The following RBMS3 variants were observed in gnomAD, a reference collection of about 807,000 sequenced individuals.
RBMS3 encodes RNA binding motif single stranded interacting protein 3.
RBMS3 carries 27 observed loss-of-function variants against 66.8 expected under a neutral mutation model. That is an observed-to-expected ratio of 0.40 (90% CI 0.30 to 0.56). The LOEUF (loss-of-function observed/expected upper bound fraction) is 0.56. RBMS3 is among the 20% of genes least tolerant of loss of function. RBMS3 has a pLI of 0.40. For missense variants in RBMS3, 513 were observed against 549.5 expected (o/e 0.93, Z 0.66); for synonymous variants, 188 against 183.0 (o/e 1.03, Z -0.22).
intron 1 of RBMS3, among the ~76,000 whole-genome samples, chr3:29,409,444 T>C (rs1344007017): frequency 3.9e-5 from 6 of 152,236 alleles, no homozygotes; most frequent in Non-Finnish European, 8.8e-5. Flanking sequence ...CACAACACAG[T>C]CTTCATTGCA....
At chr3:29,704,191 A>C (rs943858349) in intron 4 of RBMS3, among the ~76,000 whole-genome samples, 1 of 152,204 alleles carries the variant, frequency 6.6e-6, no homozygotes, top group Non-Finnish European at 1.5e-5. Flanking sequence ...AATGCGCTTG[A>C]ATCATCCCAA....
intron 8 of RBMS3, among the ~76,000 whole-genome samples, chr3:29,884,448 CTCTCTCTCTCTCTCTCTCTCT>C: frequency 7.6e-6 from 1 of 130,748 alleles, no homozygotes; most frequent in African/African-American, 2.9e-5. Flanking sequence ...CTCTCTCTCT[CTCTCTCTCTCTCTCTCTCTCT>C]CCCCCCCCGC....
intron 3 of RBMS3, among the ~76,000 whole-genome samples, chr3:29,547,488 G>T (rs35902): frequency 0.33 from 49,549 of 150,834 alleles, 8,572 homozygotes; most frequent in Middle Eastern, 0.47. Flanking sequence ...TCCTCCCCCC[G>T]CCCCACCATT....
chr3:29,389,693 C>T (rs536565816), intron 1 of RBMS3, among the ~76,000 whole-genome samples: 1 of 152,264 alleles, frequency 6.6e-6, no homozygotes, highest in South Asian at 2.1e-4. Flanking sequence ...TAAACACTGG[C>T]TGGGACTAGG....
At chr3:29,895,182 G>A (rs17553758) in intron 8 of RBMS3, among the ~76,000 whole-genome samples, 31,556 of 151,428 alleles carry the variant, frequency 0.21, 3,700 homozygotes, top group Non-Finnish European at 0.27. Context: ...AGTGTTATTC[G>A]TCTTTGTTAG....
At chr3:29,497,239 G>T (rs952761650) in intron 3 of RBMS3, among the ~76,000 whole-genome samples, 4 of 151,974 alleles carry the variant, frequency 2.6e-5, no homozygotes, top group Non-Finnish European at 5.9e-5. Flanking sequence ...TTGATGTCCT[G>T]ACATCATGAT....
chr3:29,682,885 TCA>T (rs1428583322), intron 4 of RBMS3, among the ~76,000 whole-genome samples: 1 of 152,200 alleles, frequency 6.6e-6, no homozygotes, highest in Non-Finnish European at 1.5e-5. Flanking sequence ...TGCAAACGTG[TCA>T]CCATTTGCCT....
chr3:29,666,453 A>G (rs1287060870), intron 4 of RBMS3, among the ~76,000 whole-genome samples: 2 of 152,180 alleles, frequency 1.3e-5, no homozygotes, highest in Non-Finnish European at 2.9e-5. Context: ...ATGCACATTT[A>G]CTGCATCTTA....
rs566804428 is a variant in RBMS3 at position 29,365,001 on chromosome 3, G to T, written c.76-69742G>T. Among the ~76,000 whole-genome samples, 4 of 152,154 alleles carry T rather than the reference G, an allele frequency of 2.6e-5. 1 individual carries two copies. In the South Asian group the frequency reaches 6.2e-4, roughly 24 times the overall value. On this transcript the variant is annotated intron_variant, in intron 1 of 14. Coordinates refer to ENST00000383767, the MANE Select transcript of RBMS3 (RefSeq NM_001003793.3). ...TCCTAAGAGCTAACTAAAAAGATAAGACCTAGTTAATGAAAATAAACTTCT... is the reference window on the plus strand; with the variant it reads ...TCCTAAGAGCTAACTAAAAAGATAATACCTAGTTAATGAAAATAAACTTCT...
chr3:29,440,678 G>C lies in RBMS3; in HGVS notation c.248+5763G>C, dbSNP rs540922613. On this transcript the variant is annotated intron_variant, in intron 2 of 14. Transcript: ENST00000383767. ...ACGAAATAGAAGTGTTTGCGCTGGA[G>C]AGCCGAAGGGTCTGCCCAAGCTAAT... Among the ~76,000 whole-genome samples the C allele has an allele frequency of 2.0e-5, 3 of 152,348 alleles. No individual in the cohort carries two copies. In the South Asian group the frequency reaches 6.2e-4, roughly 32 times the overall value.
At chr3:29,678,234 G>A (rs887550451) in intron 4 of RBMS3, among the ~76,000 whole-genome samples, 1 of 152,058 alleles carries the variant, frequency 6.6e-6, no homozygotes, top group African/African-American at 2.4e-5. Context: ...GGGATGGTGG[G>A]AGATAAGAAG....
At chr3:29,630,111 G>T (rs915105872) in intron 4 of RBMS3, among the ~76,000 whole-genome samples, 3 of 151,888 alleles carry the variant, frequency 2.0e-5, no homozygotes, top group African/African-American at 7.3e-5. Context: ...TTTGAATTCT[G>T]TTGCTTCTTC....
intron 1 of RBMS3, among the ~76,000 whole-genome samples, chr3:29,305,066 T>C (rs1559474412): frequency 6.6e-6 from 1 of 151,838 alleles, no homozygotes; most frequent in Non-Finnish European, 1.5e-5. Flanking sequence ...TTTCTGTTGC[T>C]CCAATATGCC....
rs1440256164 is a variant in RBMS3 at position 29,996,192 on chromosome 3, G to C, written c.1307+4983G>C. 8.0e-5 allele frequency among the ~76,000 whole-genome samples: 12 copies of C among 149,782 alleles called. No homozygotes were observed. In the South Asian group the frequency reaches 1.7e-3, roughly 21 times the overall value. On this transcript the variant is annotated intron_variant, in intron 14 of 14. Transcript: ENST00000383767. The stretch of plus-strand genomic sequence containing the variant: ...AAGAAGGCCATTACATAATGGTAAA[G>C]GGATCAATTCAACAAGAAGAGCTAA...
At chr3:29,806,135 G>A (rs941446929) in intron 6 of RBMS3, among the ~76,000 whole-genome samples, 2 of 151,960 alleles carry the variant, frequency 1.3e-5, no homozygotes, top group African/African-American at 4.8e-5. Context: ...TTTGATGCAT[G>A]AACCATATTT....
At chr3:29,702,649 C>A (rs1000488392) in intron 4 of RBMS3, among the ~76,000 whole-genome samples, 19 of 152,062 alleles carry the variant, frequency 1.2e-4, no homozygotes, top group Admixed American at 6.6e-5. Context: ...GAGGAATGAA[C>A]AACTCTGGAT....
At chr3:29,796,160 C>A (rs2057175135) in intron 6 of RBMS3, among the ~76,000 whole-genome samples, 1 of 152,168 alleles carries the variant, frequency 6.6e-6, no homozygotes, top group Admixed American at 6.5e-5. Context: ...ATTAAGTGAG[C>A]AATAGCATTG....
intron 10 of RBMS3, among the ~76,000 whole-genome samples, chr3:29,901,888 G>T (rs2060261914): frequency 6.6e-6 from 1 of 151,768 alleles, no homozygotes; most frequent in Non-Finnish European, 1.5e-5. Context: ...CACAGAGTTT[G>T]TACCATCAAT....
intron 6 of RBMS3, among the ~76,000 whole-genome samples, chr3:29,768,089 T>C (rs2056012962): frequency 6.6e-6 from 1 of 151,968 alleles, no homozygotes; most frequent in African/African-American, 2.4e-5. Context: ...TAATCCCCAA[T>C]TGGGTATCAT....
Sources: allele counts gnomAD v4.1 joint callset (sites outside exome capture counted in the v4.1 genomes callset), GRCh38; gene constraint gnomAD v4.1.1; transcripts MANE v1.5; gene names NCBI Gene and HGNC (gene_info 2026-07-23, HGNC 2026-07-21).